The following TMEM276 variants were observed in gnomAD, a reference collection of about 807,000 sequenced individuals.
TMEM276 encodes the protein transmembrane protein 276.
the TMEM276 span, chr8:144,466,201 C>T: frequency 2.2e-5 from 4 of 179,584 alleles, no homozygotes. Flanking sequence ...GGTTGGGGCG[C>T]GCCGGGCGGC....
chr8:144,465,531 T>TG, the TMEM276 span: 2,357 of 396,498 alleles, frequency 5.9e-3, 12 homozygotes, highest in African/African-American at 0.02. Flanking sequence ...CTAGAGCGGC[T>TG]GGGGGGGGAG....
the TMEM276 span, chr8:144,465,182 C>T: frequency 3.0e-6 from 4 of 1,345,002 alleles, no homozygotes; most frequent in Non-Finnish European, 2.9e-6. Flanking sequence ...GCCCTGGGGC[C>T]CTGGAGCCCA....
At chr8:144,463,955 C>T in the TMEM276 span, 5 of 1,489,252 alleles carry the variant, frequency 3.4e-6, no homozygotes, top group Non-Finnish European at 4.4e-6. Context: ...TAGACAAGTC[C>T]CCACACGTGG....
chr8:144,464,583 C>T, the TMEM276 span: 2 of 1,609,752 alleles, frequency 1.2e-6, no homozygotes, highest in East Asian at 2.2e-5. Flanking sequence ...AGACCTGGAG[C>T]AGGAAGCCAG....
At chr8:144,464,822 A>G in the TMEM276 span, 3 of 1,612,808 alleles carry the variant, frequency 1.9e-6, no homozygotes, top group Non-Finnish European at 2.5e-6. Flanking sequence ...GGCTGTGCTC[A>G]CGGCTGCGTG....
At chr8:144,464,937 T>C in the TMEM276 span, 1 of 1,603,994 alleles carries the variant, frequency 6.2e-7, no homozygotes, top group South Asian at 1.1e-5. Flanking sequence ...AGGACACAGA[T>C]AGGAGATACT....
chr8:144,464,623 A>G, the TMEM276 span: 1 of 1,598,932 alleles, frequency 6.3e-7, no homozygotes, highest in Non-Finnish European at 8.5e-7. Flanking sequence ...CTGTCAACAC[A>G]GGGAAGGGAG....
At chr8:144,463,970 A>G in the TMEM276 span, 79 of 1,502,154 alleles carry the variant, frequency 5.3e-5, 1 homozygote, top group Non-Finnish European at 1.1e-5. Flanking sequence ...ACGTGGCCAA[A>G]GGACAGCACC....
At chr8:144,466,860 C>G in the TMEM276 span, 1 of 1,536,722 alleles carries the variant, frequency 6.5e-7, no homozygotes. Flanking sequence ...CTGGGAGTCC[C>G]GCGGTGCGAG....
At chr8:144,466,827 C>T in the TMEM276 span, 12 of 1,536,442 alleles carry the variant, frequency 7.8e-6, no homozygotes, top group South Asian at 4.7e-5. Context: ...ACCGAGCTGA[C>T]CGGCCTGGCC....
chr8:144,466,606 G>GA, the TMEM276 span: 1 of 865,584 alleles, frequency 1.2e-6, no homozygotes, highest in Non-Finnish European at 1.5e-6. Flanking sequence ...CGGGCACGGG[G>GA]CGCGGGGCGA....
the TMEM276 span, chr8:144,466,749 C>T: frequency 1.3e-5 from 20 of 1,522,892 alleles, no homozygotes; most frequent in Admixed American, 3.6e-4. Flanking sequence ...GCGCCCCTGC[C>T]CCCTCCCTAG....
the TMEM276 span, chr8:144,463,997 CCAGT>C: frequency 4.6e-6 from 7 of 1,517,430 alleles, no homozygotes; most frequent in Non-Finnish European, 6.2e-6. Context: ...CTGCCCCTGA[CCAGT>C]CAATGTGCAG....
the TMEM276 span, chr8:144,466,971 C>T: frequency 5.0e-6 from 8 of 1,595,656 alleles, no homozygotes; most frequent in East Asian, 4.5e-5. Flanking sequence ...AGCTCCGAGC[C>T]TGAGGATGGG....
chr8:144,464,978 C>T, the TMEM276 span: 5 of 1,567,098 alleles, frequency 3.2e-6, no homozygotes, highest in South Asian at 4.6e-5. Context: ...GCGCAGAAGC[C>T]AGCGACCTGG....
the TMEM276 span, chr8:144,467,007 C>T: frequency 5.0e-6 from 8 of 1,595,338 alleles, no homozygotes; most frequent in Admixed American, 1.2e-4. Context: ...GAGGGCCGCG[C>T]GGCCGCGGTG....
the TMEM276 span, chr8:144,466,723 G>C: frequency 6.8e-7 from 1 of 1,473,724 alleles, no homozygotes; most frequent in Non-Finnish European, 9.0e-7. Context: ...CAGGCTGCCT[G>C]CCCCCCTCCT....
the TMEM276 span, chr8:144,466,021 GAT>G: frequency 0.024 from 23 of 970 alleles, no homozygotes; most frequent in African/African-American, 0.048. Context: ...GCGGGGCTGA[GAT>G]GGGCGGGGCT....
chr8:144,465,220 G>A, the TMEM276 span: 1 of 1,206,868 alleles, frequency 8.3e-7, no homozygotes, highest in Non-Finnish European at 1.1e-6. Flanking sequence ...GGGGAAGAGA[G>A]AGCGGCGAGG....
Sources: gnomAD v4.1 joint callset for allele counts on GRCh38, gnomAD v4.1.1 for gene constraint, MANE v1.5 for transcripts, NCBI Gene and HGNC (gene_info 2026-07-23, HGNC 2026-07-21) for gene names.